CALN1: variants seen among roughly 807,000 people sequenced by gnomAD.
CALN1 encodes calneuron 1.
A neutral mutation model predicts 30.6 loss-of-function variants in CALN1; 17 were observed. That is an observed-to-expected ratio of 0.56 (90% confidence interval 0.38 to 0.83). The LOEUF (loss-of-function observed/expected upper bound fraction) is 0.83, where lower values mean the gene tolerates loss of function less well. Among genes scored for constraint, CALN1 ranks in the 40% least tolerant of loss-of-function variants. The probability of loss-of-function intolerance (pLI) is 0.00; values close to 1 mark genes in which losing one functional copy is unlikely to be tolerated. For missense variants in CALN1, 291 were observed against 354.9 expected (o/e 0.82, Z 1.45); for synonymous variants, 156 against 131.4 (o/e 1.19, Z -1.28).
chr7:72,256,669 C>T (rs910638165), intron 3 of CALN1, among the ~76,000 whole-genome samples: 1 of 151,864 alleles, frequency 6.6e-6, no homozygotes, highest in South Asian at 2.1e-4. Flanking sequence ...CACAATGGCA[C>T]CATCATAGCT....
At chr7:71,798,811 A>C (rs1014689459) in intron 6 of CALN1, among the ~76,000 whole-genome samples, 2 of 151,166 alleles carry the variant, frequency 1.3e-5, no homozygotes, top group African/African-American at 4.9e-5. Context: ...TTTTTAGTAG[A>C]GATGGGGTTT....
chr7:72,198,999 G>A (rs534496297), intron 3 of CALN1, among the ~76,000 whole-genome samples: 1 of 152,322 alleles, frequency 6.6e-6, no homozygotes, highest in Non-Finnish European at 1.5e-5. Flanking sequence ...TTCTGGCTGG[G>A]CGCAGTGGCT....
chr7:72,337,431 C>T (rs1802142634), intron 2 of CALN1, among the ~76,000 whole-genome samples: 1 of 152,120 alleles, frequency 6.6e-6, no homozygotes, highest in South Asian at 2.1e-4. Context: ...CGCACACACA[C>T]ACACACACAC....
intron 6 of CALN1, among the ~76,000 whole-genome samples, chr7:71,804,512 AT>A (rs1219552446): frequency 6.6e-6 from 1 of 152,186 alleles, no homozygotes; most frequent in African/African-American, 2.4e-5. Context: ...TCTTTATTTT[AT>A]TAAAATAAAT....
chr7:72,457,159 C>T, the CALN1 span, among the ~76,000 whole-genome samples: 3 of 151,972 alleles, frequency 2.0e-5, no homozygotes, highest in African/African-American at 7.3e-5. Flanking sequence ...CAGGCATGTG[C>T]CACTATGCCC....
intron 2 of CALN1, among the ~76,000 whole-genome samples, chr7:72,357,824 A>G (rs1345853513): frequency 2.0e-5 from 3 of 146,988 alleles, no homozygotes; most frequent in African/African-American, 7.5e-5. Flanking sequence ...ATATTTATAT[A>G]TATTTTTATA....
the CALN1 span, among the ~76,000 whole-genome samples, chr7:72,496,239 C>A: frequency 6.6e-6 from 1 of 152,102 alleles, no homozygotes; most frequent in Non-Finnish European, 1.5e-5. Flanking sequence ...AATTCTTACA[C>A]CTTTTCCTTT....
intron 3 of CALN1, among the ~76,000 whole-genome samples, chr7:72,255,957 T>C (rs1795882737): frequency 2.0e-5 from 3 of 152,064 alleles, no homozygotes; most frequent in Non-Finnish European, 4.4e-5. Flanking sequence ...CTCAAACTCC[T>C]GACCTCGTGA....
At chr7:72,340,760 G>C (rs552755246) in intron 2 of CALN1, among the ~76,000 whole-genome samples, 3 of 152,292 alleles carry the variant, frequency 2.0e-5, no homozygotes, top group East Asian at 1.9e-4. Context: ...TTGTGGGAGG[G>C]ACCTGGTGGG....
chr7:71,962,655 T>C (rs1797307815), intron 5 of CALN1, among the ~76,000 whole-genome samples: 1 of 152,228 alleles, frequency 6.6e-6, no homozygotes, highest in Admixed American at 6.5e-5. Context: ...AAACCTTTCA[T>C]TATCTAATAC....
intron 2 of CALN1, among the ~76,000 whole-genome samples, chr7:72,368,583 G>A (rs1804023715): frequency 6.6e-6 from 1 of 151,858 alleles, no homozygotes; most frequent in East Asian, 1.9e-4. Flanking sequence ...CATCAAAAAT[G>A]AAAAAGGAGA....
chr7:72,197,814 C>CCACT (rs1299941245), intron 3 of CALN1, among the ~76,000 whole-genome samples: 1 of 152,100 alleles, frequency 6.6e-6, no homozygotes, highest in Admixed American at 6.6e-5. Flanking sequence ...TATGATCATG[C>CCACT]CACTGCACTC....
chr7:72,125,037 ATT>A (rs1446669881), intron 3 of CALN1, among the ~76,000 whole-genome samples: 5 of 152,022 alleles, frequency 3.3e-5, no homozygotes, highest in Middle Eastern at 3.4e-3. Context: ...TTGCTTTGTT[ATT>A]TTGTTTTGAA....
chr7:72,243,517 G>A (rs35793217), intron 3 of CALN1, among the ~76,000 whole-genome samples: 54,272 of 151,876 alleles, frequency 0.36, 10,665 homozygotes, highest in Middle Eastern at 0.55. Flanking sequence ...AGCTGCATCC[G>A]GGGATGCAGT....
chr7:72,392,636 C>T (rs556101064), intron 2 of CALN1, among the ~76,000 whole-genome samples: 1 of 152,228 alleles, frequency 6.6e-6, no homozygotes, highest in East Asian at 1.9e-4. Flanking sequence ...ATTGACTAAT[C>T]CTCTCCCTTA....
At chr7:72,214,063 A>T (rs965571065) in intron 3 of CALN1, among the ~76,000 whole-genome samples, 1 of 152,230 alleles carries the variant, frequency 6.6e-6, no homozygotes, top group African/African-American at 2.4e-5. Flanking sequence ...AAGTGCACCA[A>T]TCTGGGCAGA....
At chr7:72,030,055 T>C (rs1354458550) in intron 4 of CALN1, among the ~76,000 whole-genome samples, 1 of 152,164 alleles carries the variant, frequency 6.6e-6, no homozygotes, top group African/African-American at 2.4e-5. Flanking sequence ...TAACTCCAGA[T>C]AGATAGTAAC....
At chr7:71,875,153 TC>T (rs1220596346) in intron 5 of CALN1, among the ~76,000 whole-genome samples, 42 of 101,834 alleles carry the variant, frequency 4.1e-4, no homozygotes, top group Non-Finnish European at 3.0e-4. Context: ...TAAAGGAGAC[TC>T]TGTCTCAAAA....
intron 2 of CALN1, among the ~76,000 whole-genome samples, chr7:72,352,183 C>CAAAA (rs934266593): frequency 1.4e-4 from 21 of 147,944 alleles, no homozygotes; most frequent in African/African-American, 3.7e-4. Flanking sequence ...AACAAACAAA[C>CAAAA]AAAAAAAACC....
Sources: allele counts gnomAD v4.1 joint callset (sites outside exome capture counted in the v4.1 genomes callset), GRCh38; gene constraint gnomAD v4.1.1; transcripts MANE v1.5; gene names NCBI Gene and HGNC (gene_info 2026-07-23, HGNC 2026-07-21).